Variants in GHRHR observed in about 807,000 individuals in gnomAD.
GHRHR encodes the protein growth hormone-releasing hormone receptor.
A neutral mutation model predicts 58.3 loss-of-function variants in GHRHR; 40 were observed. That is an observed-to-expected ratio of 0.69 (90% CI 0.53 to 0.89). GHRHR has a LOEUF of 0.89. GHRHR is among the 40% of genes least tolerant of loss of function. GHRHR has a pLI of 0.00. For synonymous variants in GHRHR, 249 were observed against 216.6 expected (o/e 1.15, Z -1.31); for missense variants, 551 against 541.3 (o/e 1.02, Z -0.18).
At position 30,969,114 on chromosome 7, in the gene GHRHR, G is replaced by A. The variant is rs1236779174; in HGVS notation, c.212G>A (p.Gly71Asp). 1 of 1,579,716 alleles carries A rather than the reference G, an allele frequency of 6.3e-7. No individual in the cohort carries two copies. Among genetic ancestry groups the A allele is most frequent in the Non-Finnish European group, 8.6e-7 (1 of 1,162,788 alleles). Residue 71 changes from glycine to aspartate, a missense_variant, in exon 3 of 13, where the codon GGC becomes GAC. Physicochemically the swap from Gly to Asp is moderately conservative, Grantham distance 94. Transcript: ENST00000326139. ...CTGTGCTGGCCAACGGCAGGCTCTG[G>A]CGAGTGGGTCACCCTCCCCTGCCCG... ...GLLCWPTAGS[G>D]EWVTLPCPDF...
At chr7:30,978,585 G>A (rs986699691) in intron 12 of GHRHR, among the ~76,000 whole-genome samples, 9 of 152,110 alleles carry the variant, frequency 5.9e-5, no homozygotes, top group African/African-American at 1.9e-4. Context: ...AAAGCCCCTT[G>A]GAGATGTGAA....
chr7:30,977,231 C>T, intron 11 of GHRHR, 50 bp from the exon 12 acceptor site: 2 of 1,575,140 alleles, frequency 1.3e-6, no homozygotes, highest in Non-Finnish European at 1.7e-6. Context: ...TGGACACCTT[C>T]AGGCCAGGCC....
In GHRHR at chr7:30,968,902, A is replaced by C. The variant is rs146723194; in HGVS notation, c.126A>C (p.Leu42=). Residue 42 remains leucine, a synonymous_variant, in exon 2 of 13, where the codon CTA becomes CTC. Coordinates refer to ENST00000326139, the MANE Select transcript of GHRHR (RefSeq NM_000823.4). ...TGAGAGAGGATGAGAGTGCCTGTCT[A>C]CAAGCAGCAGAGGAGATGCCCAACA... The part of the protein sequence containing the change: ...TQLREDESAC[L]QAAEEMPNTT... 5.0e-5 allele frequency: 81 copies of C among 1,613,658 alleles called. No homozygotes were observed. Among genetic ancestry groups the C allele is most frequent in the Non-Finnish European group, 6.5e-5 (77 of 1,179,788 alleles).
chr7:30,974,614 G>C (rs894394548), intron 8 of GHRHR, 125 bp downstream of exon 8: 10 of 773,138 alleles, frequency 1.3e-5, no homozygotes, highest in East Asian at 2.5e-5. Flanking sequence ...GCTAGGATGG[G>C]GGGTGGGAGA....
rs569153160 is a variant in GHRHR, at chr7:30,968,037, C to T, written c.58-797C>T. ...TGGCATCTTTAAATCTCAGTTCCCA[C>T]GGCACACATCCTCATGTCACCTCCT... is the stretch of plus-strand genomic sequence containing the variant. On this transcript the variant is annotated intron_variant, in intron 1 of 12. Transcript: ENST00000326139. Among the ~76,000 whole-genome samples, 149 of 152,266 alleles carry T rather than the reference C, an allele frequency of 9.8e-4. 1 individual carries two copies. The South Asian group carries it at 0.02, about 20-fold the overall frequency.
At chr7:30,974,752 C>T (rs1285642295) in intron 8 of GHRHR, among the ~76,000 whole-genome samples, 1 of 152,104 alleles carries the variant, frequency 6.6e-6, no homozygotes, top group African/African-American at 2.4e-5. Flanking sequence ...AGGCATTGAA[C>T]AGAGTTCAGA....
At chr7:30,968,997 C>G in intron 2 of GHRHR, 61 bp downstream of exon 2, 1 of 1,543,570 alleles carries the variant, frequency 6.5e-7, no homozygotes, top group Non-Finnish European at 8.9e-7. Context: ...CCAGCCTCAC[C>G]CCTCGGATTA....
chr7:30,979,025 C>T lies in GHRHR; in HGVS notation c.1147-94C>T, dbSNP rs1792637810. On this transcript the variant is annotated intron_variant, in intron 12 of 12. Coordinates refer to ENST00000326139, the MANE Select transcript of GHRHR (RefSeq NM_000823.4). ...TTTCCTGCCCCATGTCTCTGTTTCT[C>T]TTACACGGCCTCTCCCTGCACCTTA... 4 of 1,217,500 alleles carry T rather than the reference C, an allele frequency of 3.3e-6. No individual in the cohort carries two copies. In the East Asian group the frequency reaches 7.0e-5, roughly 21 times the overall value. 75.4% of individuals were successfully genotyped at this position (1,217,500 alleles called of 1,614,324 possible). A position where few individuals can be genotyped will look rare whatever the true frequency, so the allele number is the denominator to read the frequency against.
At chr7:30,965,907 G>A (rs1416897171) in intron 1 of GHRHR, among the ~76,000 whole-genome samples, 6 of 152,216 alleles carry the variant, frequency 3.9e-5, no homozygotes, top group African/African-American at 4.8e-5. Context: ...GACGCAACGG[G>A]GCTCTGCCCT....
At chr7:30,968,617 C>CCTCCCTCCCTCG in intron 1 of GHRHR, among the ~76,000 whole-genome samples, 1 of 112,074 alleles carries the variant, frequency 8.9e-6, no homozygotes, top group Non-Finnish European at 1.8e-5. Flanking sequence ...TCCCTCCCTC[C>CCTCCCTCCCTCG]CTCCCTCCCT....
At chr7:30,976,614 T>C (rs954651739) in intron 11 of GHRHR, 56 bp downstream of exon 11, 2 of 1,539,456 alleles carry the variant, frequency 1.3e-6, no homozygotes, top group Non-Finnish European at 1.8e-6. Context: ...AGGGAGGTGC[T>C]GTTGCCCACG....
At chr7:30,964,771 A>T (rs1336824835) in intron 1 of GHRHR, among the ~76,000 whole-genome samples, 4 of 152,136 alleles carry the variant, frequency 2.6e-5, no homozygotes, top group African/African-American at 9.7e-5. Flanking sequence ...CATGGGCTAG[A>T]GCGCTGGAGC....
intron 9 of GHRHR, 31 bp downstream of exon 9, chr7:30,975,071 A>G (rs999592881): frequency 6.8e-7 from 1 of 1,467,280 alleles, no homozygotes; most frequent in Non-Finnish European, 9.6e-7. Context: ...CCTTTGCTTT[A>G]TTCAGTCAAC....
At chr7:30,966,743 A>G (rs567993237) in intron 1 of GHRHR, among the ~76,000 whole-genome samples, 1 of 152,206 alleles carries the variant, frequency 6.6e-6, no homozygotes, top group South Asian at 2.1e-4. Context: ...CCTGGGTTCA[A>G]GTGATTCTCC....
chr7:30,966,938 G>A lies in GHRHR; in HGVS notation c.58-1896G>A, dbSNP rs536154801. Reference sequence around the variant, plus strand: ...ATTACAGGCATGAGCCACTGCGCCCGGCCCCTGTCCTGCTTCTGATCACAG... The same window carrying A: ...ATTACAGGCATGAGCCACTGCGCCCAGCCCCTGTCCTGCTTCTGATCACAG... On this transcript the variant is annotated intron_variant, in intron 1 of 12. Coordinates refer to ENST00000326139, the MANE Select transcript of GHRHR (RefSeq NM_000823.4). Among the ~76,000 whole-genome samples the A allele has an allele frequency of 2.5e-4, 38 of 152,238 alleles. 1 individual carries two copies. The South Asian group carries it at 3.5e-3, about 14-fold the overall frequency.
In GHRHR at chr7:30,973,978, C is replaced by A. The variant is rs1259009920; in HGVS notation, c.598-7C>A. On this transcript the variant is annotated splice_polypyrimidine_tract_variant and splice_region_variant and intron_variant, in intron 6 of 12. Transcript: ENST00000326139. ...CAGCTCTGAAGCACCCAGGTCCTGG[C>A]CCCCAGGTTCTATGCAAGGTCTCTG... The A allele has an allele frequency of 6.8e-6, 11 of 1,612,750 alleles. No homozygotes were observed. Among genetic ancestry groups the A allele is most frequent in the Non-Finnish European group, 7.6e-6 (9 of 1,179,662 alleles).
chr7:30,969,346 G>T (rs1792432827), intron 3 of GHRHR, among the ~76,000 whole-genome samples, 176 bp downstream of exon 3: 1 of 151,746 alleles, frequency 6.6e-6, no homozygotes, highest in Non-Finnish European at 1.5e-5. Flanking sequence ...CTGTGAACTG[G>T]GGAGAACAAG....
chr7:30,971,924 T>G (rs1357023248), intron 5 of GHRHR, 39 bp from the exon 6 acceptor site: 1 of 1,609,836 alleles, frequency 6.2e-7, no homozygotes, highest in Admixed American at 1.7e-5. Context: ...CCCCTCTCCC[T>G]GCTTGCTTCT....
intron 7 of GHRHR, 36 bp downstream of exon 7, chr7:30,974,174 G>T (rs1253395993): frequency 6.2e-7 from 1 of 1,606,676 alleles, no homozygotes; most frequent in South Asian, 1.1e-5. Context: ...CCATGGGGAG[G>T]TAAAGGGCTG....
Sources: allele counts gnomAD v4.1 joint callset (sites outside exome capture counted in the v4.1 genomes callset), GRCh38; gene constraint gnomAD v4.1.1; transcripts MANE v1.5; gene names NCBI Gene and HGNC (gene_info 2026-07-23, HGNC 2026-07-21).